The following PAX3 variants were observed in gnomAD, a reference collection of about 807,000 sequenced individuals.
PAX3 encodes paired box protein Pax-3.
A neutral mutation model predicts 51.6 loss-of-function variants in PAX3; 14 were observed. The observed-to-expected ratio is 0.27, with a 90% confidence interval of 0.18 to 0.42. The LOEUF is 0.42. Among genes scored for constraint, PAX3 ranks in the 10% least tolerant of loss-of-function variants. The pLI is 1.00. For synonymous variants in PAX3, 280 were observed against 253.4 expected (o/e 1.11, Z -1.00); for missense variants, 540 against 642.8 (o/e 0.84, Z 1.73).
In PAX3 at chr2:222,294,249, C is replaced by T. The variant is rs898053628; in HGVS notation, c.504G>A (p.Glu168=). ...CCTCCTTCCTCTCCAAGTCGGCCTCCTCCTCTTCACCTTTCCCGAATTTAC... is the reference window on the plus strand; with the variant it reads ...CCTCCTTCCTCTCCAAGTCGGCCTCTTCCTCTTCACCTTTCCCGAATTTAC... ...LRSKFGKGEE[E]EADLERKEAE... is the part of the protein sequence containing the mutation. Residue 168 remains glutamate (E), a synonymous_variant, in exon 4 of 9, where the codon GAG becomes GAA. Coordinates refer to ENST00000392070, the MANE Select transcript of PAX3 (RefSeq NM_181458.4). The T allele has an allele frequency of 6.2e-7, 1 of 1,614,138 alleles. No homozygotes were observed. Among genetic ancestry groups the T allele is most frequent in the African/African-American group, 1.3e-5 (1 of 74,946 alleles).
intron 7 of PAX3, among the ~76,000 whole-genome samples, chr2:222,204,250 A>AG (rs1162951340): frequency 3.9e-5 from 6 of 152,180 alleles, no homozygotes; most frequent in Non-Finnish European, 8.8e-5. Context: ...GGGTTCTTTT[A>AG]GGGCCCTACC....
chr2:222,294,929 T>C (rs936143889), intron 3 of PAX3, among the ~76,000 whole-genome samples: 12 of 151,924 alleles, frequency 7.9e-5, no homozygotes, highest in African/African-American at 2.9e-4. Context: ...TCCAGTCTGG[T>C]AAACAAATCC....
chr2:222,272,989 G>A (rs1288165130), intron 4 of PAX3, among the ~76,000 whole-genome samples: 2 of 152,136 alleles, frequency 1.3e-5, no homozygotes, highest in Admixed American at 1.3e-4. Context: ...CCGTATTCAT[G>A]TTCATTGTGA....
intron 4 of PAX3, among the ~76,000 whole-genome samples, chr2:222,271,654 T>C (rs147809112): frequency 1.3e-5 from 2 of 152,332 alleles, no homozygotes; most frequent in East Asian, 1.9e-4. Flanking sequence ...TTTGAAGTTT[T>C]TAAACCTAAA....
In PAX3 at chr2:222,279,493, G is replaced by T. The variant is rs1454601198; in HGVS notation, c.586+14674C>A. 2.0e-5 allele frequency among the ~76,000 whole-genome samples: 3 copies of T among 152,232 alleles called. No homozygotes were observed. The East Asian group carries it at 5.8e-4, about 29-fold the overall frequency. On this transcript the variant is annotated intron_variant, in intron 4 of 8. Coordinates refer to ENST00000392070, the MANE Select transcript of PAX3 (RefSeq NM_181458.4). ...AAGTGGGGAAAAACATTTTCAAAGGGTTTGGTAGAGGAGGGTTAGGTGGTA... is the reference window on the plus strand; with the variant it reads ...AAGTGGGGAAAAACATTTTCAAAGGTTTTGGTAGAGGAGGGTTAGGTGGTA...
At chr2:222,237,794 TA>T (rs1231642479) in intron 4 of PAX3, among the ~76,000 whole-genome samples, 1 of 152,186 alleles carries the variant, frequency 6.6e-6, no homozygotes, top group East Asian at 1.9e-4. Flanking sequence ...ATATCTTTAT[TA>T]AAGTTTTAAT....
At chr2:222,270,431 A>T (rs1694209235) in intron 4 of PAX3, among the ~76,000 whole-genome samples, 1 of 152,224 alleles carries the variant, frequency 6.6e-6, no homozygotes, top group Non-Finnish European at 1.5e-5. Context: ...ATCGGTCTCC[A>T]AAAGTGAGTT....
At chr2:222,250,169 A>G (rs1032395125) in intron 4 of PAX3, among the ~76,000 whole-genome samples, 1 of 152,164 alleles carries the variant, frequency 6.6e-6, no homozygotes, top group Non-Finnish European at 1.5e-5. Flanking sequence ...CTCCATGTGC[A>G]TGTCTTTACA....
rs1375090545 is a variant in PAX3, at chr2:222,297,065, C to T, written c.234G>A (p.Val78=). The change falls in exon 2 of 9, where the codon GTG becomes GTA. Residue 78 remains valine (V), a synonymous_variant. Coordinates refer to ENST00000392070, the MANE Select transcript of PAX3 (RefSeq NM_181458.4). ...RPCVISRQLR[V]SHGCVSKILC... ...GGATCTTGGAGACGCAGCCGTGGGA[C>T]ACGCGCAGCTGGCGCGAGATGACGC... 6.2e-7 allele frequency: 1 copy of T among 1,614,156 alleles called. No individual in the cohort carries two copies. The highest frequency in any genetic ancestry group is 8.5e-7 in the Non-Finnish European group (1 of 1,180,022).
chr2:222,248,956 T>C (rs1033184268), intron 4 of PAX3, among the ~76,000 whole-genome samples: 3 of 152,188 alleles, frequency 2.0e-5, no homozygotes, highest in African/African-American at 7.2e-5. Flanking sequence ...TGATCAATTC[T>C]ACTTCAGTCT....
intron 4 of PAX3, among the ~76,000 whole-genome samples, chr2:222,257,046 C>T (rs1022576757): frequency 2.6e-5 from 4 of 152,196 alleles, no homozygotes; most frequent in Non-Finnish European, 5.9e-5. Flanking sequence ...AGACACACCA[C>T]ACCATGGGCT....
At position 222,201,337 on chromosome 2, in the gene PAX3, A is replaced by G. The variant is rs1691284199; in HGVS notation, c.*71T>C. ...AAGGGTAATTTTTTTTTGTTTTCAG[A>G]GCAGATTCTTCATATCTAGGCTGCG... On this transcript the variant is annotated 3_prime_UTR_variant, in exon 9 of 9. Transcript: ENST00000392070. 2 of 1,594,840 alleles carry G rather than the reference A, an allele frequency of 1.3e-6. No individual in the cohort carries two copies. The highest frequency in any genetic ancestry group is 1.7e-6 in the Non-Finnish European group (2 of 1,176,210).
intron 7 of PAX3, among the ~76,000 whole-genome samples, chr2:222,202,967 A>C (rs1691357241): frequency 1.4e-5 from 2 of 140,440 alleles, no homozygotes; most frequent in Non-Finnish European, 3.0e-5. Context: ...TCCAAGTAAA[A>C]GCCTCCATTA....
intron 4 of PAX3, among the ~76,000 whole-genome samples, chr2:222,261,555 A>G (rs1176992346): frequency 1.3e-5 from 2 of 151,836 alleles, no homozygotes; most frequent in Non-Finnish European, 2.9e-5. Flanking sequence ...TCTGAGGCAG[A>G]ACAGAGGGTG....
chr2:222,241,448 C>T (rs556607344), intron 4 of PAX3, among the ~76,000 whole-genome samples: 2 of 152,246 alleles, frequency 1.3e-5, no homozygotes, highest in South Asian at 2.1e-4. Flanking sequence ...ACGGAGCTGC[C>T]GCTAAGTAAC....
At position 222,291,969 on chromosome 2, in the gene PAX3, G is replaced by GGTGTGTGT. The variant is rs3997675; in HGVS notation, c.586+2190_586+2197dup. 5.3e-3 allele frequency among the ~76,000 whole-genome samples: 712 copies of GGTGTGTGT among 133,726 alleles called. 3 individuals carry two copies. The highest frequency in any genetic ancestry group is 0.017 in the East Asian group (77 of 4,428). 87.7% of individuals were successfully genotyped at this position (133,726 alleles called of 152,430 possible). A position where few individuals can be genotyped will look rare whatever the true frequency, so the allele number is the denominator to read the frequency against. ...AATTAAATCAGGCTTCAGCCTCCAA[G>GGTGTGTGT]GTGTGTGTGTGTGTGTGTGTGTGTG... On this transcript the variant is annotated intron_variant, in intron 4 of 8. Transcript: ENST00000392070.
intron 4 of PAX3, among the ~76,000 whole-genome samples, chr2:222,238,542 A>G (rs1692885249): frequency 6.6e-6 from 1 of 152,230 alleles, no homozygotes; most frequent in Admixed American, 6.5e-5. Flanking sequence ...AAACATGACA[A>G]CCATTTAAAT....
intron 4 of PAX3, among the ~76,000 whole-genome samples, chr2:222,289,270 T>C (rs1309532896): frequency 6.6e-6 from 1 of 152,242 alleles, no homozygotes; most frequent in African/African-American, 2.4e-5. Flanking sequence ...TTGTTACTGT[T>C]GCAGCTTTTC....
intron 4 of PAX3, among the ~76,000 whole-genome samples, chr2:222,247,764 CAT>C (rs1487970295): frequency 2.6e-5 from 4 of 152,046 alleles, no homozygotes; most frequent in Non-Finnish European, 5.9e-5. Context: ...GAGGTGGACT[CAT>C]AATTGGGCCC....
Sources: gnomAD v4.1 joint callset for allele counts (sites outside exome capture counted in the v4.1 genomes callset) on GRCh38, gnomAD v4.1.1 for gene constraint, MANE v1.5 for transcripts, NCBI Gene and HGNC (gene_info 2026-07-23, HGNC 2026-07-21) for gene names.